ZC3H12B: variants seen among roughly 807,000 people sequenced by gnomAD.
ZC3H12B encodes the protein zinc finger CCCH-type containing 12B.
Under a neutral mutation model 43.9 loss-of-function variants are expected in ZC3H12B, and 7 were observed. The observed-to-expected ratio is 0.16, with a 90% CI of 0.09 to 0.30. The LOEUF is 0.30. ZC3H12B is among the 10% of genes least tolerant of loss of function. The pLI, the probability that ZC3H12B is intolerant of heterozygous loss-of-function variation, is 1.00. For missense variants in ZC3H12B, 475 were observed against 670.2 expected (o/e 0.71, Z 3.22); for synonymous variants, 222 against 241.7 (o/e 0.92, Z 0.76).
chrX:65,062,951 G>GCT, the ZC3H12B span, among the ~76,000 whole-genome samples: 1 of 111,031 alleles, frequency 9.0e-6, no homozygotes, highest in Non-Finnish European at 1.9e-5. Context: ...TTATGGTTTG[G>GCT]CTCTCTGTTT....
chrX:65,184,563 AC>A, the ZC3H12B span, among the ~76,000 whole-genome samples: 1 of 111,770 alleles, frequency 8.9e-6, no homozygotes, highest in African/African-American at 3.2e-5. Flanking sequence ...GGATACTAGG[AC>A]CTTTTAAACA....
chrX:65,221,914 A>G, the ZC3H12B span, among the ~76,000 whole-genome samples: 1 of 111,416 alleles, frequency 9.0e-6, no homozygotes, highest in Non-Finnish European at 1.9e-5. Flanking sequence ...ATTACAGACC[A>G]ATATTCCTGA....
chrX:65,487,662 G>T (rs1292792813), upstream of ZC3H12B, among the ~76,000 whole-genome samples: 1 of 111,897 alleles, frequency 8.9e-6, no homozygotes, highest in African/African-American at 3.2e-5. Flanking sequence ...TTCTCCTTTT[G>T]TTTATCAATT....
chrX:65,263,246 A>G, the ZC3H12B span, among the ~76,000 whole-genome samples: 2 of 111,613 alleles, frequency 1.8e-5, no homozygotes, highest in African/African-American at 3.2e-5. Context: ...GACTAACAGA[A>G]GCAACACATA....
the ZC3H12B span, among the ~76,000 whole-genome samples, chrX:65,168,598 C>A: frequency 9.0e-6 from 1 of 110,630 alleles, no homozygotes; most frequent in Non-Finnish European, 1.9e-5. Context: ...TTGTTTGGAA[C>A]AGTTTCAGAA....
the ZC3H12B span, among the ~76,000 whole-genome samples, chrX:65,036,125 A>G: frequency 1.8e-5 from 2 of 111,962 alleles, no homozygotes; most frequent in African/African-American, 3.3e-5. Flanking sequence ...ATTCTGGACA[A>G]GGTGATTAGA....
At chrX:65,135,750 CT>C in the ZC3H12B span, among the ~76,000 whole-genome samples, 2,035 of 69,831 alleles carry the variant, frequency 0.029, 14 homozygotes, top group Middle Eastern at 0.053. Context: ...TGTTTGTTTT[CT>C]TTTTTTTTTT....
chrX:65,390,429 T>C (rs2066597030), intron 2 of ZC3H12B, among the ~76,000 whole-genome samples: 2 of 111,286 alleles, frequency 1.8e-5, no homozygotes, highest in South Asian at 7.5e-4. Context: ...TAGGAGTTGC[T>C]ATACTCGAAA....
chrX:65,441,728 C>G (rs998444845), intron 3 of ZC3H12B, among the ~76,000 whole-genome samples: 2 of 111,670 alleles, frequency 1.8e-5, no homozygotes, highest in African/African-American at 6.5e-5. Flanking sequence ...GGTCCACAGA[C>G]TCCAGTTGGG....
intron 2 of ZC3H12B, among the ~76,000 whole-genome samples, chrX:65,392,665 G>T (rs780541769): frequency 3.4e-4 from 37 of 109,877 alleles, no homozygotes; most frequent in African/African-American, 8.9e-4. Context: ...CCATCTGGGG[G>T]GTGGGGGGCC....
At chrX:65,308,009 G>T in the ZC3H12B span, among the ~76,000 whole-genome samples, 6 of 111,451 alleles carry the variant, frequency 5.4e-5, no homozygotes, top group East Asian at 1.4e-3. Context: ...AAAAACAAAT[G>T]TGAAGTAAAC....
intron 3 of ZC3H12B, among the ~76,000 whole-genome samples, chrX:65,435,941 A>C (rs1281353362): frequency 8.9e-6 from 1 of 112,067 alleles, no homozygotes; most frequent in African/African-American, 3.2e-5. Flanking sequence ...AAGCAAGAGA[A>C]CCTTGTGTTA....
At chrX:65,323,979 G>C in the ZC3H12B span, among the ~76,000 whole-genome samples, 1 of 111,987 alleles carries the variant, frequency 8.9e-6, no homozygotes, top group Non-Finnish European at 1.9e-5. Flanking sequence ...TTTCTTGGCC[G>C]CATAGATGTT....
At chrX:65,241,376 G>T in the ZC3H12B span, among the ~76,000 whole-genome samples, 1 of 109,936 alleles carries the variant, frequency 9.1e-6, no homozygotes, top group Admixed American at 9.6e-5. Context: ...GACTCCTCAT[G>T]AGGACCACCT....
chrX:65,431,542 G>T (rs1277489697), intron 3 of ZC3H12B, among the ~76,000 whole-genome samples: 1 of 112,141 alleles, frequency 8.9e-6, no homozygotes, highest in African/African-American at 3.2e-5. Flanking sequence ...GCAATTATAG[G>T]GGTGGCTGGT....
At chrX:65,255,197 T>C in the ZC3H12B span, among the ~76,000 whole-genome samples, 2 of 111,051 alleles carry the variant, frequency 1.8e-5, no homozygotes, top group Non-Finnish European at 3.8e-5. Flanking sequence ...ACATTGGAAA[T>C]GGAGAAAACC....
chrX:65,329,458 C>T, the ZC3H12B span, among the ~76,000 whole-genome samples: 30 of 99,238 alleles, frequency 3.0e-4, no homozygotes, highest in East Asian at 7.9e-3. Flanking sequence ...AGCCCTTTGT[C>T]AGATGAGTAG....
intron 3 of ZC3H12B, among the ~76,000 whole-genome samples, chrX:65,477,769 A>C (rs2068013759): frequency 9.1e-6 from 1 of 110,379 alleles, no homozygotes; most frequent in Admixed American, 9.6e-5. Context: ...TGTCTCAAAA[A>C]AAAAAATTTC....
the ZC3H12B span, among the ~76,000 whole-genome samples, chrX:65,085,772 A>T: frequency 1.0e-5 from 1 of 98,745 alleles, no homozygotes; most frequent in Non-Finnish European, 2.2e-5. Flanking sequence ...TCGAAAAAAG[A>T]AAAAAAAAAA....
Sources: gnomAD v4.1 joint callset for allele counts (sites outside exome capture counted in the v4.1 genomes callset) on GRCh38, gnomAD v4.1.1 for gene constraint, MANE v1.5 for transcripts, NCBI Gene and HGNC (gene_info 2026-07-23, HGNC 2026-07-21) for gene names.